NPC1: variants seen among roughly 807,000 people sequenced by gnomAD.
NPC1 encodes the protein NPC intracellular cholesterol transporter 1, also known as Niemann-Pick C1 protein.
NPC1 carries 85 observed loss-of-function variants against 140.4 expected under a neutral mutation model. The observed-to-expected ratio is 0.61, with a 90% CI of 0.51 to 0.72. The LOEUF (loss-of-function observed/expected upper bound fraction) is 0.72. Ranked by LOEUF, NPC1 falls within the 30% of genes least tolerant of loss-of-function variation. NPC1 has a pLI of 0.00. For synonymous variants in NPC1, 656 were observed against 624.8 expected, an observed-to-expected ratio of 1.05 and a Z score of -0.74; for missense variants, 1,504 against 1,623.8, an observed-to-expected ratio of 0.93 and a Z score of 1.27.
intron 17 of NPC1, 39 bp downstream of exon 17, chr18:23,540,409 A>G (rs1280427771): frequency 3.1e-6 from 4 of 1,295,620 alleles, no homozygotes; most frequent in Non-Finnish European, 3.3e-6. Flanking sequence ...ATCATCAGCT[A>G]AAGAAGTTAA....
At chr18:23,541,533 C>A in intron 14 of NPC1, 100 bp from the exon 15 acceptor site, 1 of 1,501,980 alleles carries the variant, frequency 6.7e-7, no homozygotes, top group Non-Finnish European at 9.2e-7. Context: ...GGAGCCAGCA[C>A]AGGCCAAACG....
intron 1 of NPC1, among the ~76,000 whole-genome samples, chr18:23,578,831 A>G (rs2059323439): frequency 6.6e-6 from 1 of 152,162 alleles, no homozygotes; most frequent in South Asian, 2.1e-4. Context: ...TCAAATGAAA[A>G]TCTCAGGCAC....
At chr18:23,538,735 T>G in intron 19 of NPC1, 64 bp from the exon 20 acceptor site, 2 of 1,546,642 alleles carry the variant, frequency 1.3e-6, no homozygotes, top group Non-Finnish European at 1.8e-6. Flanking sequence ...GTAAAACATT[T>G]TAAAATACTG....
In NPC1 at chr18:23,539,440, C is replaced by A; in HGVS notation, c.2826G>T (p.Trp942Cys). 6.2e-7 allele frequency: 1 copy of A among 1,613,616 alleles called. No homozygotes were observed. Among genetic ancestry groups the A allele is most frequent in the Non-Finnish European group, 8.5e-7 (1 of 1,179,768 alleles). Residue 942 changes from tryptophan to cysteine, a missense_variant, in exon 19 of 25, where the codon TGG becomes TGT. Physicochemically the swap from Trp to Cys is radical, Grantham distance 215 (BLOSUM62 -2). Transcript: ENST00000269228. Reference sequence around the variant, plus strand: ...TCACCCAGTCGAAATAATCGTCGATCCAGGACGAGGGGGCGAAGCCTATTC... The same window carrying A: ...TCACCCAGTCGAAATAATCGTCGATACAGGACGAGGGGGCGAAGCCTATTC... ...YTRIGFAPSS[W>C]IDDYFDWVKP...
In NPC1 at chr18:23,544,943, A is replaced by ACCCAC. The variant is rs1555634620; in HGVS notation, c.1947+16_1947+17insGTGGG. On this transcript the variant is annotated intron_variant, in intron 12 of 24. Transcript: ENST00000269228. Reference sequence around the variant, plus strand: ...GCTGTTAACCTCTAGAACATACACCACCCCCCCCCGGCTTACCAGAAGCCT... The same window carrying ACCCAC: ...GCTGTTAACCTCTAGAACATACACCACCCACCCCCCCCCCGGCTTACCAGAAGCCT... The ACCCAC allele has an allele frequency of 8.6e-6, 9 of 1,042,292 alleles. No homozygotes were observed. Among genetic ancestry groups the ACCCAC allele is most frequent in the South Asian group, 1.3e-5 (1 of 74,776 alleles). The allele number at this position is 1,042,292 out of a possible 1,614,324, so 64.6% of individuals were successfully genotyped here.
chr18:23,554,688 A>T, intron 9 of NPC1, 70 bp downstream of exon 9: 1 of 1,173,322 alleles, frequency 8.5e-7, no homozygotes, highest in South Asian at 1.3e-5. Flanking sequence ...TCATAAAACA[A>T]GCTTTTGCCC....
intron 14 of NPC1, among the ~76,000 whole-genome samples, 171 bp from the exon 15 acceptor site, chr18:23,541,604 A>T (rs934755678): frequency 1.3e-5 from 2 of 152,260 alleles, no homozygotes; most frequent in Non-Finnish European, 2.9e-5. Context: ...GTGATAAGCC[A>T]GTGCTTTTCA....
intron 1 of NPC1, among the ~76,000 whole-genome samples, chr18:23,580,515 T>G (rs2059344416): frequency 6.6e-6 from 1 of 152,230 alleles, no homozygotes; most frequent in Admixed American, 6.5e-5. Flanking sequence ...ACTCCCTTAC[T>G]CAGTATCACT....
intron 3 of NPC1, chr18:23,516,271 A>G: frequency 6.3e-7 from 1 of 1,579,996 alleles, no homozygotes; most frequent in East Asian, 2.2e-5. Flanking sequence ...ATGATGAAAC[A>G]TTGAAGGGGT....
intron 4 of NPC1, among the ~76,000 whole-genome samples, chr18:23,563,418 G>A (rs76825885): frequency 0.013 from 1,954 of 152,288 alleles, 35 homozygotes; most frequent in African/African-American, 0.045. Flanking sequence ...GTTTGTTTCA[G>A]GAACTGCCAA....
chr18:23,520,200 A>C, downstream of NPC1: 2 of 1,610,948 alleles, frequency 1.2e-6, no homozygotes, highest in Non-Finnish European at 1.7e-6. Flanking sequence ...TTTCCCCCCC[A>C]GACATCGGTA....
chr18:23,556,144 C>T, intron 8 of NPC1, 99 bp downstream of exon 8: 1 of 1,059,646 alleles, frequency 9.4e-7, no homozygotes, highest in South Asian at 1.3e-5. Context: ...TATACCATGA[C>T]ATTCAGCCCC....
intron 1 of NPC1, among the ~76,000 whole-genome samples, chr18:23,577,558 C>T (rs1416028872): frequency 6.6e-6 from 1 of 152,212 alleles, no homozygotes; most frequent in Non-Finnish European, 1.5e-5. Context: ...AGAAGCCCAG[C>T]TGGCTTCACC....
chr18:23,522,435 C>T (rs1285005952), exon 2 of NPC1: 1 of 152,168 alleles, frequency 6.6e-6, no homozygotes, highest in Admixed American at 6.5e-5. Context: ...GAATGCAGCC[C>T]AACACAAATT....
At chr18:23,517,441 C>G (rs913797661), downstream of NPC1, among the ~76,000 whole-genome samples, 1 of 152,122 alleles carries the variant, frequency 6.6e-6, no homozygotes, top group South Asian at 2.1e-4. Flanking sequence ...AGCCACCACG[C>G]CTGGCAGTAC....
chr18:23,534,289 C>T (rs942237070), intron 23 of NPC1, 157 bp downstream of exon 23: 23 of 696,050 alleles, frequency 3.3e-5, no homozygotes, highest in East Asian at 3.2e-4. Flanking sequence ...ACAGAACGTC[C>T]GTTCTGTCCA....
At chr18:23,569,495 A>T (rs993036066) in intron 3 of NPC1, among the ~76,000 whole-genome samples, 12 of 152,086 alleles carry the variant, frequency 7.9e-5, no homozygotes, top group Non-Finnish European at 1.0e-4. Context: ...GCTAATTTTT[A>T]AAATGTTTTT....
intron 3 of NPC1, among the ~76,000 whole-genome samples, chr18:23,512,770 C>G (rs916974425): frequency 2.6e-5 from 4 of 151,970 alleles, no homozygotes; most frequent in African/African-American, 9.7e-5. Context: ...AAACATACAA[C>G]ATTTATTATC....
chr18:23,510,806 A>G (rs563002460), intron 3 of NPC1, among the ~76,000 whole-genome samples: 1 of 152,390 alleles, frequency 6.6e-6, no homozygotes, highest in Admixed American at 6.5e-5. Flanking sequence ...CATAGCCATT[A>G]TAAAAAAGTC....
Sources: allele counts gnomAD v4.1 joint callset (sites outside exome capture counted in the v4.1 genomes callset), GRCh38; gene constraint gnomAD v4.1.1; transcripts MANE v1.5; gene names NCBI Gene and HGNC (gene_info 2026-07-23, HGNC 2026-07-21).